RPS12: variants seen among roughly 807,000 people sequenced by gnomAD.
The protein encoded by RPS12 is small ribosomal subunit protein eS12.
A neutral mutation model predicts 17.2 loss-of-function variants in RPS12; 1 was observed. The observed-to-expected ratio is 0.06, with a 90% CI of 0.02 to 0.28. The LOEUF (loss-of-function observed/expected upper bound fraction) is 0.28. RPS12 is among the 10% of genes least tolerant of loss of function. The pLI, the probability that RPS12 is intolerant of heterozygous loss-of-function variation, is 1.00. For missense variants in RPS12, 146 were observed against 162.1 expected, an observed-to-expected ratio of 0.90 and a Z score of 0.54; for synonymous variants, 67 against 54.0, an observed-to-expected ratio of 1.24 and a Z score of -1.06.
intron 3 of RPS12, 146 bp from the exon 4 acceptor site, chr6:132,816,315 A>C (rs895111287): frequency 3.2e-6 from 2 of 629,186 alleles, no homozygotes; most frequent in African/African-American, 3.7e-5. Flanking sequence ...CTTCAGACTC[A>C]AGCAATTTTG....
In RPS12 at chr6:132,814,773, C is replaced by A; in HGVS notation, c.5C>A (p.Ala2Asp). Residue 2 changes from alanine (A) to aspartate (D), a missense_variant, in exon 2 of 6, where the codon GCC becomes GAC. By Grantham distance (126) the Ala-to-Asp change is moderately radical. Coordinates refer to ENST00000230050, the MANE Select transcript of RPS12 (RefSeq NM_001016.4). ...CTTCACCCGTAACCCACCGCCATGGCCGAGGAAGGGTGAGCCCAGGGGCCG... is the reference window on the plus strand; with the variant it reads ...CTTCACCCGTAACCCACCGCCATGGACGAGGAAGGGTGAGCCCAGGGGCCG... Reference protein sequence around the residue: MAEEGIAAGGVM... With the variant: MDEEGIAAGGVM... 6.2e-7 allele frequency: 1 copy of A among 1,613,304 alleles called. No homozygotes were observed. Among genetic ancestry groups the A allele is most frequent in the Non-Finnish European group, 8.5e-7 (1 of 1,179,426 alleles).
intron 5 of RPS12, 77 bp downstream of exon 5, chr6:132,817,138 A>C: frequency 1.0e-6 from 1 of 969,244 alleles, no homozygotes; most frequent in Non-Finnish European, 1.7e-6. Context: ...TAAGTTGAGG[A>C]TCTTATAAAA....
At position 132,817,031 on chromosome 6, in the gene RPS12, A is replaced by G; in HGVS notation, c.306A>G (p.Lys102=). ...CKIDREGKPR[K]VVGCSCVVVK... ...TTGACAGAGAGGGGAAACCCCGTAA[A>G]GTGGTTGGTTGCAGTTGTGTAGTAG... The change falls in exon 5 of 6, where the codon AAA becomes AAG. Residue 102 remains lysine, a synonymous_variant. Coordinates refer to ENST00000230050, the MANE Select transcript of RPS12 (RefSeq NM_001016.4). The G allele has an allele frequency of 6.2e-7, 1 of 1,611,810 alleles. No homozygotes were observed. The highest frequency in any genetic ancestry group is 8.5e-7 in the Non-Finnish European group (1 of 1,179,078).
chr6:132,815,208 C>A, intron 3 of RPS12, 120 bp downstream of exon 3: 2 of 758,954 alleles, frequency 2.6e-6, no homozygotes, highest in East Asian at 2.4e-5. Context: ...TCCGTCCTAC[C>A]GGAAACCTAG....
intron 3 of RPS12, 137 bp downstream of exon 3, chr6:132,815,225 G>C (rs1275492448): frequency 1.3e-6 from 1 of 747,430 alleles, no homozygotes; most frequent in Non-Finnish European, 2.5e-6. Context: ...CTAGGAAAAG[G>C]TATCAGAACT....
intron 3 of RPS12, chr6:132,815,574 A>C (rs1782030398): frequency 2.2e-6 from 1 of 445,522 alleles, no homozygotes; most frequent in African/African-American, 2.0e-5. Flanking sequence ...ATATTTGTTA[A>C]TGTATTTGAA....
At position 132,815,018 on chromosome 6, in the gene RPS12, G is replaced by C; in HGVS notation, c.61G>C (p.Val21Leu). Residue 21 changes from valine to leucine, a missense_variant, in exon 3 of 6, where the codon GTT becomes CTT. This residue lies in a region of RPS12 where 117 missense variants were observed against 104.6 expected (regional missense o/e 1.12). Transcript: ENST00000230050. The part of the protein sequence containing the change: ...VMDVNTALQE[V>L]LKTALIHDGL... ...GGACGTTAATACTGCTTTACAAGAG[G>C]TTCTGAAGACTGCCCTCATCCACGA... The C allele has an allele frequency of 3.7e-6, 6 of 1,613,876 alleles. No individual in the cohort carries two copies. Among genetic ancestry groups the C allele is most frequent in the South Asian group, 1.1e-5 (1 of 91,074 alleles).
intron 4 of RPS12, 32 bp from the exon 5 acceptor site, chr6:132,816,928 A>T (rs879105429): frequency 8.2e-7 from 1 of 1,224,046 alleles, no homozygotes; most frequent in East Asian, 2.4e-5. Context: ...TATTAATGTG[A>T]TTTTTTTTTT....
intron 2 of RPS12, 49 bp from the exon 3 acceptor site, chr6:132,814,923 T>C (rs1582886190): frequency 7.0e-7 from 1 of 1,427,174 alleles, no homozygotes; most frequent in South Asian, 1.1e-5. Flanking sequence ...TGCAAGGCCT[T>C]ATGTGGTGTG....
intron 4 of RPS12, 53 bp downstream of exon 4, chr6:132,816,616 GGGGGTAAATTCTGTGAAGTCTC>G: frequency 8.3e-7 from 1 of 1,206,454 alleles, no homozygotes; most frequent in South Asian, 1.2e-5. Context: ...GCTTGTATAT[GGGGGTAAATTCTGTGAAGTCTC>G]AAGCTGTTCA....
Position 132,815,075 on chromosome 6 carries a change from A to G in RPS12, c.118A>G (p.Lys40Glu). The G allele has an allele frequency of 1.2e-6, 2 of 1,609,088 alleles. No homozygotes were observed. The highest frequency in any genetic ancestry group is 1.1e-5 in the South Asian group (1 of 90,986). The part of the protein sequence containing the change: ...GLARGIREAA[K>E]ALDKRQAHLC... ...AGCACGTGGAATTCGCGAAGCTGCC[A>G]AAGCCTTAGACAAGTACGTGTATCA... The change falls in exon 3 of 6, where the codon AAA becomes GAA. Residue 40 changes from lysine (K) to glutamate (E), a missense_variant. Physicochemically the swap from Lys to Glu is moderately conservative, Grantham distance 56 (BLOSUM62 1). Coordinates refer to ENST00000230050, the MANE Select transcript of RPS12 (RefSeq NM_001016.4).
rs1327230929 is a variant in RPS12, at chr6:132,815,793, A to G, written c.132-668A>G. On this transcript the variant is annotated intron_variant, in intron 3 of 5. Transcript: ENST00000230050. ...TGTATTTCTATTTCGGCATTATTGC[A>G]TGGCATTTCATAACTGTTCCATTAA... is the stretch of plus-strand genomic sequence containing the variant. 1.3e-5 allele frequency: 6 copies of G among 454,110 alleles called. No homozygotes were observed. In the East Asian group the frequency reaches 2.8e-4, roughly 21 times the overall value. The allele number at this position is 454,110 out of a possible 1,614,324, so 28.1% of individuals were successfully genotyped here.
Position 132,816,468 on chromosome 6 carries a change from G to T in RPS12, c.139G>T (p.Ala47Ser), listed in dbSNP as rs916600302. 2 of 1,607,734 alleles carry T rather than the reference G, an allele frequency of 1.2e-6. No individual in the cohort carries two copies. The highest frequency in any genetic ancestry group is 8.5e-7 in the Non-Finnish European group (1 of 1,177,044). ...TTGTAATTTGAATTTCAGGCGCCAA[G>T]CCCATCTTTGTGTGCTTGCATCCAA... ...EAAKALDKRQ[A>S]HLCVLASNCD... Residue 47 changes from alanine to serine, a missense_variant, in exon 4 of 6, where the codon GCC (alanine) becomes TCC (serine). Physicochemically the swap from Ala to Ser is moderately conservative, Grantham distance 99 (BLOSUM62 1). Coordinates refer to ENST00000230050, the MANE Select transcript of RPS12 (RefSeq NM_001016.4).
intron 4 of RPS12, 63 bp from the exon 5 acceptor site, chr6:132,816,897 A>T: frequency 9.1e-7 from 1 of 1,101,682 alleles, no homozygotes; most frequent in Non-Finnish European, 1.4e-6. Context: ...GGTTTCATTT[A>T]ATTTTGGTAG....
intron 3 of RPS12, chr6:132,815,570 G>T (rs1782030301): frequency 4.5e-6 from 2 of 445,050 alleles, no homozygotes; most frequent in Non-Finnish European, 9.1e-6. Flanking sequence ...TGGGATATTT[G>T]TTAATGTATT....
rs142130624 is a variant in RPS12 at position 132,814,996 on chromosome 6, C to A, written c.39C>A (p.Asp13Glu). ...EEGIAAGGVM[D>E]VNTALQEVLK... ...GCATTGCTGCTGGAGGTGTAATGGA[C>A]GTTAATACTGCTTTACAAGAGGTTC... The change falls in exon 3 of 6, where the codon GAC becomes GAA. Residue 13 changes from aspartate to glutamate, a missense_variant. Transcript: ENST00000230050. 1.6e-4 allele frequency: 263 copies of A among 1,611,862 alleles called. No homozygotes were observed. The highest frequency in any genetic ancestry group is 2.0e-4 in the Non-Finnish European group (238 of 1,177,994).
At chr6:132,815,714 G>A in intron 3 of RPS12, 2 of 456,692 alleles carry the variant, frequency 4.4e-6, no homozygotes, top group Non-Finnish European at 8.8e-6. Flanking sequence ...AGTTCAATCC[G>A]ATGGAAACGG....
chr6:132,817,082 G>C, intron 5 of RPS12, 21 bp downstream of exon 5: 1 of 1,394,344 alleles, frequency 7.2e-7, no homozygotes, highest in Non-Finnish European at 1.0e-6. Context: ...GTTTATTCTA[G>C]GGATGAAGGT....
In RPS12 at chr6:132,815,103, C is replaced by T. The variant is rs773427198; in HGVS notation, c.131+15C>T. The T allele has an allele frequency of 9.3e-6, 14 of 1,509,908 alleles. No individual in the cohort carries two copies. In the Admixed American group the frequency reaches 1.8e-4, roughly 20 times the overall value. 93.5% of individuals were successfully genotyped at this position (1,509,908 alleles called of 1,614,324 possible). The stretch of plus-strand genomic sequence containing the variant: ...GCCTTAGACAAGTACGTGTATCAGT[C>T]TCAATACTGTGGGTTCTTGCAACCG... On this transcript the variant is annotated intron_variant, in intron 3 of 5. Coordinates refer to ENST00000230050, the MANE Select transcript of RPS12 (RefSeq NM_001016.4).
Sources: allele counts gnomAD v4.1 joint callset, GRCh38; gene constraint gnomAD v4.1.1; regional missense constraint gnomAD v4.1.1; transcripts MANE v1.5; gene names NCBI Gene and HGNC (gene_info 2026-07-23, HGNC 2026-07-21).